The following DST variants were observed in gnomAD, a reference collection of about 807,000 sequenced individuals.
DST encodes bullous pemphigoid antigen.
A neutral mutation model predicts 875.2 loss-of-function variants in DST; 253 were observed. The ratio of observed to expected loss-of-function variants is 0.29; its 90% CI spans 0.26 to 0.32. The LOEUF (loss-of-function observed/expected upper bound fraction) is 0.32, where lower values mean the gene tolerates loss of function less well. Among genes scored for constraint, DST ranks in the 10% least tolerant of loss-of-function variants. DST has a pLI of 1.00. For missense variants in DST, 8,287 were observed against 9,111.6 expected (o/e 0.91, Z 3.68); for synonymous variants, 3,124 against 3,197.1 (o/e 0.98, Z 0.77).
At chr6:56,734,167 G>A (rs1450564027) in intron 5 of DST, among the ~76,000 whole-genome samples, 6 of 152,256 alleles carry the variant, frequency 3.9e-5, no homozygotes, top group Non-Finnish European at 8.8e-5. Context: ...TCACAAAGCA[G>A]AGGGTTTCAA....
rs577830932 is a variant in DST at position 56,637,971 on chromosome 6, TA to T, written c.2964+1287del. Among the ~76,000 whole-genome samples, 13 of 152,116 alleles carry T rather than the reference TA, an allele frequency of 8.5e-5. No individual in the cohort carries two copies. The South Asian group carries it at 2.5e-3, about 29-fold the overall frequency. ...TAAATTGGCTATAAAAGATGTATCA[TA>T]TTTTTTTCATATAAAATATGAAACA... On this transcript the variant is annotated intron_variant, in intron 22 of 103. Transcript: ENST00000680361.
Position 56,592,504 on chromosome 6 carries a change from T to G in DST, c.12727-146A>C, listed in dbSNP as rs958102149. 10 of 717,930 alleles carry G rather than the reference T, an allele frequency of 1.4e-5. No individual in the cohort carries two copies. The Admixed American group carries it at 3.0e-4, about 22-fold the overall frequency. 44.5% of individuals were successfully genotyped at this position (717,930 alleles called of 1,614,324 possible). On this transcript the variant is annotated intron_variant, in intron 48 of 103. Transcript: ENST00000680361. ...AATAAAAACTCTGTTGGGCTAAGATTTCCTCCTTTATATGAAGAGGTACCC... is the reference window on the plus strand; with the variant it reads ...AATAAAAACTCTGTTGGGCTAAGATGTCCTCCTTTATATGAAGAGGTACCC...
chr6:56,463,974 G>C (rs2152380953), intron 100 of DST: 1 of 671,918 alleles, frequency 1.5e-6, no homozygotes, highest in Middle Eastern at 2.4e-4. Context: ...GTGAGTTCGG[G>C]GAGGAAAAAA....
At chr6:56,563,350 T>A (rs1185984576) in intron 55 of DST, among the ~76,000 whole-genome samples, 2 of 152,236 alleles carry the variant, frequency 1.3e-5, no homozygotes, top group African/African-American at 4.8e-5. Flanking sequence ...ATGATGAGCA[T>A]TTTTTCATGT....
At chr6:56,613,453 C>A (rs2098567273) in intron 37 of DST, among the ~76,000 whole-genome samples, 1 of 152,138 alleles carries the variant, frequency 6.6e-6, no homozygotes, top group Non-Finnish European at 1.5e-5. Flanking sequence ...GTCATGTCAA[C>A]AATGTCTATT....
At chr6:56,470,781 AACAC>A (rs67009040) in intron 95 of DST, among the ~76,000 whole-genome samples, 12,940 of 141,430 alleles carry the variant, frequency 0.091, 605 homozygotes, top group South Asian at 0.12. Flanking sequence ...TATGCCAGGC[AACAC>A]ACACACACAC....
chr6:56,660,686 G>A (rs1407968498), intron 10 of DST, among the ~76,000 whole-genome samples: 1 of 149,408 alleles, frequency 6.7e-6, no homozygotes, highest in Non-Finnish European at 1.5e-5. Flanking sequence ...TCATATTTGG[G>A]CACAGATTAG....
rs1317981458 is a variant in DST at position 56,619,635 on chromosome 6, G to A, written c.4929+4895C>T. On this transcript the variant is annotated intron_variant, in intron 36 of 103. Coordinates refer to ENST00000680361, the MANE Select transcript of DST (RefSeq NM_001374736.1). The stretch of plus-strand genomic sequence containing the variant: ...GATTCTAATTCTAACTGATAATTGC[G>A]CTTTATTTTCTTGAGATCACTAGCT... 9.3e-6 allele frequency: 15 copies of A among 1,613,474 alleles called. No individual in the cohort carries two copies. Among genetic ancestry groups the A allele is most frequent in the African/African-American group, 4.0e-5 (3 of 74,806 alleles).
intron 5 of DST, among the ~76,000 whole-genome samples, chr6:56,734,884 A>AG (rs1033599338): frequency 2.6e-5 from 4 of 152,118 alleles, no homozygotes; most frequent in Admixed American, 6.5e-5. Context: ...ATCTTGAGAG[A>AG]GAAAAAAAAT....
chr6:56,784,970 T>C (rs1237237869), intron 4 of DST, among the ~76,000 whole-genome samples: 4 of 152,184 alleles, frequency 2.6e-5, no homozygotes, highest in African/African-American at 4.8e-5. Context: ...TGCAGGTCTG[T>C]TGGAATTTGC....
In DST at chr6:56,699,730, T is replaced by G. The variant is rs1339040128; in HGVS notation, c.970A>C (p.Ile324Leu). The G allele has an allele frequency of 6.7e-7, 1 of 1,492,286 alleles. No homozygotes were observed. The highest frequency in any genetic ancestry group is 2.4e-5 in the Admixed American group (1 of 42,210). 92.4% of individuals were successfully genotyped at this position (1,492,286 alleles called of 1,614,324 possible). Residue 324 changes from isoleucine (I) to leucine (L), a missense_variant, in exon 9 of 104, where the codon ATT becomes CTT. Coordinates refer to ENST00000680361, the MANE Select transcript of DST (RefSeq NM_001374736.1). ...LKRRQVKLVN[I>L]RNDDITDGNP... ...CCATCTGTTATGTCATCATTTCTAA[T>G]ATTCACTAATTTCACCTGTTTTGAA...
At position 56,701,925 on chromosome 6, in the gene DST, T is replaced by C. The variant is rs2099309769; in HGVS notation, c.917A>G (p.Asn306Ser). 1 of 1,612,252 alleles carries C rather than the reference T, an allele frequency of 6.2e-7. No homozygotes were observed. ...CAAATAGTCAAGTGCAATTTGTACATTCTGTAGTCTGTGAAAACGCATCCG... is the reference window on the plus strand; with the variant it reads ...CAAATAGTCAAGTGCAATTTGTACACTCTGTAGTCTGTGAAAACGCATCCG... ...KGRMRFHRLQ[N>S]VQIALDYLKR... is the part of the protein sequence containing the mutation. Residue 306 changes from asparagine (N) to serine (S), a missense_variant, in exon 8 of 104, where the codon AAT becomes AGT. Physicochemically the swap from Asn to Ser is conservative, Grantham distance 46. Around this residue, in one of 10 missense-constraint regions of DST, gnomAD observed 1,160 missense variants for 1,424.3 expected, o/e 0.81. Coordinates refer to ENST00000680361, the MANE Select transcript of DST (RefSeq NM_001374736.1).
intron 49 of DST, among the ~76,000 whole-genome samples, chr6:56,584,848 T>C (rs1231071504): frequency 6.6e-6 from 1 of 152,198 alleles, no homozygotes; most frequent in African/African-American, 2.4e-5. Context: ...TCTATTGAGA[T>C]AATCATGTGG....
intron 2 of DST, among the ~76,000 whole-genome samples, chr6:56,914,165 G>GCC (rs1799882559): frequency 6.6e-6 from 1 of 152,068 alleles, no homozygotes; most frequent in East Asian, 1.9e-4. Context: ...AATATGCTTG[G>GCC]CTTTCAGGCA....
In DST at chr6:56,608,020, G is replaced by C. The variant is rs867894706; in HGVS notation, c.6608C>G (p.Ser2203Cys). 6.2e-7 allele frequency: 1 copy of C among 1,612,656 alleles called. No homozygotes were observed. Among genetic ancestry groups the C allele is most frequent in the Non-Finnish European group, 8.5e-7 (1 of 1,179,198 alleles). ...TSEETKKLFL[S>C]YLMINSYMDA... ...CATATAGCTATTTATCATTAAATAA[G>C]ATAGAAATAATTTTTTAGTTTCTTC... The change falls in exon 40 of 104, where the codon TCT becomes TGT. Residue 2203 changes from serine (S) to cysteine (C), a missense_variant. Ser to Cys is a moderately radical substitution (Grantham distance 112). This residue lies in a region of DST where 3,138 missense variants were observed against 3,116.6 expected (regional missense o/e 1.01). Transcript: ENST00000680361.
At chr6:56,535,340 A>G (rs1327419583) in intron 62 of DST, 48 bp from the exon 63 acceptor site, 1 of 1,525,764 alleles carries the variant, frequency 6.6e-7, no homozygotes, top group Non-Finnish European at 8.7e-7. Flanking sequence ...TCACAAAATA[A>G]TGCAATCTGA....
chr6:56,470,634 T>C (rs1389530119), intron 95 of DST, among the ~76,000 whole-genome samples: 1 of 152,060 alleles, frequency 6.6e-6, no homozygotes, highest in Non-Finnish European at 1.5e-5. Context: ...ATACAAATGA[T>C]TGGGCCATCA....
chr6:56,719,804 C>T (rs1563850963), intron 5 of DST, among the ~76,000 whole-genome samples: 1 of 152,196 alleles, frequency 6.6e-6, no homozygotes, highest in Non-Finnish European at 1.5e-5. Flanking sequence ...CCACAAGCCA[C>T]AAAACCAGCA....
At chr6:56,611,071 T>G (rs1490174671) in intron 38 of DST, among the ~76,000 whole-genome samples, 2 of 152,122 alleles carry the variant, frequency 1.3e-5, no homozygotes, top group Admixed American at 1.3e-4. Flanking sequence ...AAACACTGAC[T>G]GAAATATATA....
Sources: gnomAD v4.1 joint callset for allele counts (sites outside exome capture counted in the v4.1 genomes callset) on GRCh38, gnomAD v4.1.1 for gene constraint, gnomAD v4.1.1 regional missense constraint, MANE v1.5 for transcripts, NCBI Gene and HGNC (gene_info 2026-07-23, HGNC 2026-07-21) for gene names.